Variants in BRF1 observed in about 807,000 individuals in gnomAD.
The protein encoded by BRF1 is transcription factor IIIB 90 kDa subunit.
In BRF1, 59 loss-of-function variants were observed where a neutral mutation model predicts 81.7. The ratio of observed to expected loss-of-function variants is 0.72; its 90% CI spans 0.59 to 0.90. The LOEUF (loss-of-function observed/expected upper bound fraction) is 0.90, where lower values mean the gene tolerates loss of function less well. BRF1 is among the 40% of genes least tolerant of loss of function. BRF1 has a pLI of 0.00. For missense variants in BRF1, 1,050 were observed against 936.3 expected (o/e 1.12, Z -1.58); for synonymous variants, 491 against 395.6 (o/e 1.24, Z -2.86).
intron 15 of BRF1, chr14:105,212,631 T>G (rs368359533): frequency 6.2e-6 from 1 of 160,464 alleles, no homozygotes; most frequent in Non-Finnish European, 1.4e-5. Flanking sequence ...AGGCCAAAGG[T>G]GCCTTCCACA....
chr14:105,300,270 CGAA>C lies in BRF1; in HGVS notation c.184+173_184+175del, dbSNP rs587632508. Among the ~76,000 whole-genome samples, 207 of 152,292 alleles carry C rather than the reference CGAA, an allele frequency of 1.4e-3. 2 individuals carry two copies. Among genetic ancestry groups the C allele is most frequent in the Non-Finnish European group, 2.2e-3 (150 of 68,012 alleles). ...CACGCCACGGGGGTCCACAGGCGCG[CGAA>C]GAAGGTCTACATTCTCGCCAAGGGG... On this transcript the variant is annotated intron_variant, in intron 1 of 17. Coordinates refer to ENST00000547530, the MANE Select transcript of BRF1 (RefSeq NM_001519.4).
In BRF1 at chr14:105,212,116, T is replaced by TC; in HGVS notation, c.1820dup (p.Glu608ArgfsTer13). 1 of 1,612,736 alleles carries TC rather than the reference T, an allele frequency of 6.2e-7. No individual in the cohort carries two copies. Among genetic ancestry groups the TC allele is most frequent in the Non-Finnish European group, 8.5e-7 (1 of 1,179,698 alleles). ...CTGGCTGCGTGGGACAACACACCTC[T>TC]CCCGTGGCCACCTTCTTTGCTGGCT... On this transcript the variant is annotated frameshift_variant, in exon 16 of 18. Transcript: ENST00000547530. LOFTEE classifies it high-confidence loss of function.
At chr14:105,225,891 C>T (rs1379306154) in intron 10 of BRF1, among the ~76,000 whole-genome samples, 178 bp downstream of exon 10, 1 of 152,248 alleles carries the variant, frequency 6.6e-6, no homozygotes, top group Non-Finnish European at 1.5e-5. Context: ...CGTGATCCGC[C>T]TGCCTCAGCC....
chr14:105,250,281 G>A (rs766960363), intron 5 of BRF1: 2 of 1,613,110 alleles, frequency 1.2e-6, no homozygotes, highest in Non-Finnish European at 8.5e-7. Context: ...TACCGCGGGC[G>A]CTGCGACAGC....
chr14:105,310,588 T>C (rs1181696735), intron 1 of BRF1, among the ~76,000 whole-genome samples: 1 of 151,782 alleles, frequency 6.6e-6, no homozygotes, highest in Admixed American at 6.6e-5. Context: ...TCAGTATTCT[T>C]ACAAAGATCA....
chr14:105,286,260 C>T (rs376994956), intron 2 of BRF1, 36 bp downstream of exon 2: 10 of 1,589,292 alleles, frequency 6.3e-6, no homozygotes, highest in East Asian at 2.3e-5. Context: ...CTCTGGGACC[C>T]GCCGCACGCT....
In BRF1 at chr14:105,284,168, C is replaced by G. The variant is rs1313528950; in HGVS notation, c.265+2128G>C. ...AGCGCCCAACACACATGCACGTCCACAAAACTGGCCTTCCACCCGGCCACG... is the reference window on the plus strand; with the variant it reads ...AGCGCCCAACACACATGCACGTCCAGAAAACTGGCCTTCCACCCGGCCACG... On this transcript the variant is annotated intron_variant, in intron 2 of 17. Coordinates refer to ENST00000547530, the MANE Select transcript of BRF1 (RefSeq NM_001519.4). This position sits in a 1 kb window ranked among gnomAD's most constrained non-coding sequence, Gnocchi z 4.0. Among the ~76,000 whole-genome samples, 1 of 152,108 alleles carries G rather than the reference C, an allele frequency of 6.6e-6. No homozygotes were observed. The highest frequency in any genetic ancestry group is 1.5e-5 in the Non-Finnish European group (1 of 68,024).
rs1464241401 is a variant in BRF1 at position 105,271,213 on chromosome 14, A to G, written c.439+1508T>C. ...CAGTGTGGCAGGCAGAGTAACAGAG[A>G]AGAAGGGAGACACATCTAACGACGA... On this transcript the variant is annotated intron_variant, in intron 3 of 17. Coordinates refer to ENST00000547530, the MANE Select transcript of BRF1 (RefSeq NM_001519.4). This position sits in a 1 kb window ranked among gnomAD's most constrained non-coding sequence, Gnocchi z 5.5. Among the ~76,000 whole-genome samples, 1 of 152,234 alleles carries G rather than the reference A, an allele frequency of 6.6e-6. No homozygotes were observed.
intron 5 of BRF1, chr14:105,248,753 G>A: frequency 1.0e-6 from 1 of 981,528 alleles, no homozygotes; most frequent in Non-Finnish European, 1.2e-6. Flanking sequence ...GCGTCGCTCA[G>A]TGCCTGACCT....
intron 12 of BRF1, 77 bp from the exon 13 acceptor site, chr14:105,219,309 G>T: frequency 1.3e-6 from 2 of 1,588,436 alleles, no homozygotes; most frequent in Non-Finnish European, 8.6e-7. Flanking sequence ...CTGGCCAGCG[G>T]GAAGTATTTC....
At chr14:105,259,903 T>C (rs2056065452) in intron 3 of BRF1, among the ~76,000 whole-genome samples, 1 of 151,900 alleles carries the variant, frequency 6.6e-6, no homozygotes, top group Non-Finnish European at 1.5e-5. Context: ...AGAGCTACAT[T>C]CTGTCACCAA....
Position 105,292,725 on chromosome 14 carries a change from G to A in BRF1, c.185-6349C>T, listed in dbSNP as rs191631100. Among the ~76,000 whole-genome samples, 346 of 152,300 alleles carry A rather than the reference G, an allele frequency of 2.3e-3. 1 individual carries two copies. The highest frequency in any genetic ancestry group is 8.0e-3 in the African/African-American group (333 of 41,548). Reference sequence around the variant, plus strand: ...CAGTAGCATCAGACATCTGGGAGGAGCACTGACAAACAGGGCCAAGCACGG... The same window carrying A: ...CAGTAGCATCAGACATCTGGGAGGAACACTGACAAACAGGGCCAAGCACGG... On this transcript the variant is annotated intron_variant, in intron 1 of 17. Coordinates refer to ENST00000547530, the MANE Select transcript of BRF1 (RefSeq NM_001519.4).
rs141249217 is a variant in BRF1, at chr14:105,252,369, A to G, written c.544+138T>C. The G allele has an allele frequency of 2.0e-4, 289 of 1,424,628 alleles. No individual in the cohort carries two copies. In the African/African-American group the frequency reaches 3.7e-3, roughly 18 times the overall value. 88.2% of individuals were successfully genotyped at this position (1,424,628 alleles called of 1,614,324 possible). On this transcript the variant is annotated intron_variant, in intron 5 of 17. Transcript: ENST00000547530. Reference sequence around the variant, plus strand: ...TAAGGCCCCACATTACTGAGCTCCTAGCAGCTTTAAGAAACATTTCTTACC... The same window carrying G: ...TAAGGCCCCACATTACTGAGCTCCTGGCAGCTTTAAGAAACATTTCTTACC...
Position 105,210,608 on chromosome 14 carries a change from T to G in BRF1, c.1997-20A>C. The G allele has an allele frequency of 1.9e-6, 3 of 1,610,704 alleles. No homozygotes were observed. The highest frequency in any genetic ancestry group is 2.5e-6 in the Non-Finnish European group (3 of 1,179,730). ...CATAGTCTGCAGAAGAGCACAGTCA[T>G]GAAGCCCAGGGTCTCTGTGGGACCC... On this transcript the variant is annotated intron_variant, in intron 17 of 17. Coordinates refer to ENST00000547530, the MANE Select transcript of BRF1 (RefSeq NM_001519.4). This position sits in a 1 kb window ranked among gnomAD's most constrained non-coding sequence, Gnocchi z 4.7.
chr14:105,248,118 G>C (rs2055250214), intron 5 of BRF1: 29 of 985,504 alleles, frequency 2.9e-5, no homozygotes, highest in Non-Finnish European at 3.5e-5. Context: ...GGAAATAGCA[G>C]CGCCTGCCCC....
chr14:105,215,783 C>T (rs28529849), intron 15 of BRF1, among the ~76,000 whole-genome samples: 1,888 of 145,786 alleles, frequency 0.013, 53 homozygotes, highest in African/African-American at 0.047. Flanking sequence ...ACACTGCACA[C>T]ACACACATGC....
At chr14:105,249,374 C>A (rs1247228949) in intron 5 of BRF1, 2 of 1,611,294 alleles carry the variant, frequency 1.2e-6, no homozygotes, top group Admixed American at 1.7e-5. Flanking sequence ...TCTTGGCTGT[C>A]GGCAGCTCCG....
intron 16 of BRF1, chr14:105,211,541 G>A: frequency 3.8e-6 from 2 of 533,126 alleles, no homozygotes; most frequent in Non-Finnish European, 6.6e-6. Flanking sequence ...TATCCTACTG[G>A]GCCCCACCCC....
chr14:105,223,578 C>T (rs114156717), intron 10 of BRF1, among the ~76,000 whole-genome samples: 98 of 152,294 alleles, frequency 6.4e-4, no homozygotes, highest in African/African-American at 2.3e-3. Flanking sequence ...CCTACTCCTA[C>T]GGAATTCTAC....
Sources: gnomAD v4.1 joint callset for allele counts (sites outside exome capture counted in the v4.1 genomes callset) on GRCh38, gnomAD v4.1.1 for gene constraint, Gnocchi (gnomAD v3.1) non-coding constraint, MANE v1.5 for transcripts, NCBI Gene and HGNC (gene_info 2026-07-23, HGNC 2026-07-21) for gene names.